RPL31: variants seen among roughly 807,000 people sequenced by gnomAD.
RPL31 encodes the protein ribosomal protein L31.
For missense variants in RPL31, 95 were observed against 164.0 expected (o/e 0.58, Z 2.30); for synonymous variants, 51 against 55.0 (o/e 0.93, Z 0.32).
In RPL31 at chr2:101,004,145, G is replaced by A; in HGVS notation, c.108-13G>A. 6.2e-7 allele frequency: 1 copy of A among 1,612,326 alleles called. No homozygotes were observed. Among genetic ancestry groups the A allele is most frequent in the Non-Finnish European group, 8.5e-7 (1 of 1,179,312 alleles). On this transcript the variant is annotated splice_polypyrimidine_tract_variant and intron_variant, in intron 2 of 4. Transcript: ENST00000264258. ...GTGCTCCTTTAATTTGTTCACTTAT[G>A]TTTGAATCGTAGGGGCTTCAAGAAG...
chr2:101,011,068 A>G (rs116129734), downstream of RPL31: 5,730 of 1,582,442 alleles, frequency 3.6e-3, 11 homozygotes, highest in Non-Finnish European at 4.2e-3. Context: ...ATTTAAATAA[A>G]TTCAGTGACA....
downstream of RPL31, chr2:101,010,979 A>C: frequency 1.2e-6 from 2 of 1,613,160 alleles, no homozygotes; most frequent in Non-Finnish European, 1.7e-6. Flanking sequence ...TCTTTGGCTA[A>C]ATCCTTAATC....
intron 2 of RPL31, among the ~76,000 whole-genome samples, 193 bp from the exon 3 acceptor site, chr2:101,003,965 T>TA (rs1455467539): frequency 1.3e-5 from 2 of 152,202 alleles, no homozygotes; most frequent in South Asian, 2.1e-4. Flanking sequence ...TAGGAGGACA[T>TA]ACCATCTACA....
chr2:101,008,058 G>A (rs745532065), downstream of RPL31: 10 of 1,613,832 alleles, frequency 6.2e-6, no homozygotes, highest in African/African-American at 1.3e-5. Flanking sequence ...TCTTCCCAGT[G>A]TCTGCAAAAA....
At chr2:101,003,002 G>C (rs559670028) in intron 2 of RPL31, among the ~76,000 whole-genome samples, 194 bp downstream of exon 2, 1 of 152,220 alleles carries the variant, frequency 6.6e-6, no homozygotes, top group African/African-American at 2.4e-5. Flanking sequence ...TGGTCTTTCT[G>C]ACCGCCCCCA....
At chr2:101,019,218 C>T (rs1679876820) in exon 5 of RPL31, 1 of 634,680 alleles carries the variant, frequency 1.6e-6, no homozygotes. Context: ...TGTCTTCTGC[C>T]CTTGCCTCTT....
At position 101,006,336 on chromosome 2, in the gene RPL31, T is replaced by A; in HGVS notation, c.347-14T>A. On this transcript the variant is annotated splice_polypyrimidine_tract_variant and intron_variant, in intron 4 of 4. Coordinates refer to ENST00000264258, the MANE Select transcript of RPL31 (RefSeq NM_000993.5). Reference sequence around the variant, plus strand: ...TGATGTGGGTATGGAAATTGACTGTTACTTCCTTTACAGATCTACAGACAG... The same window carrying A: ...TGATGTGGGTATGGAAATTGACTGTAACTTCCTTTACAGATCTACAGACAG... 6.2e-7 allele frequency: 1 copy of A among 1,608,484 alleles called. No individual in the cohort carries two copies.
At chr2:101,012,431 A>G (rs1679286415) in intron 4 of RPL31, among the ~76,000 whole-genome samples, 2 of 152,230 alleles carry the variant, frequency 1.3e-5, no homozygotes, top group African/African-American at 4.8e-5. Flanking sequence ...GCTAGGTGAG[A>G]GAAGTCGAAC....
intron 3 of RPL31, chr2:101,004,714 G>C (rs1462782706): frequency 1.1e-5 from 2 of 185,456 alleles, no homozygotes; most frequent in African/African-American, 4.7e-5. Flanking sequence ...GGCGGGGGTG[G>C]GGGGCAGTGT....
chr2:101,006,092 A>T, intron 4 of RPL31, 21 bp downstream of exon 4: 1 of 1,608,886 alleles, frequency 6.2e-7, no homozygotes, highest in Non-Finnish European at 8.5e-7. Context: ...CATCCCATAA[A>T]GCCATTTAAA....
At chr2:101,008,873 A>C (rs1014698568), downstream of RPL31, among the ~76,000 whole-genome samples, 1 of 152,120 alleles carries the variant, frequency 6.6e-6, no homozygotes, top group Non-Finnish European at 1.5e-5. Flanking sequence ...TTTAAGCTAG[A>C]GTTTATAATA....
intron 3 of RPL31, chr2:101,004,683 A>G (rs1215110240): frequency 5.3e-6 from 1 of 190,214 alleles, no homozygotes; most frequent in Non-Finnish European, 9.8e-6. Flanking sequence ...CGGCAGTTTT[A>G]CCTGTCCTTC....
At chr2:101,014,435 C>T (rs1679463498) in intron 4 of RPL31, among the ~76,000 whole-genome samples, 1 of 152,120 alleles carries the variant, frequency 6.6e-6, no homozygotes, top group South Asian at 2.1e-4. Context: ...TCTAAACTAC[C>T]ATTTTTTGTG....
downstream of RPL31, among the ~76,000 whole-genome samples, chr2:101,009,269 G>A (rs1678994162): frequency 6.6e-6 from 1 of 152,020 alleles, no homozygotes; most frequent in Non-Finnish European, 1.5e-5. Flanking sequence ...AGCCGGGCTT[G>A]GTGGCGGGCG....
downstream of RPL31, chr2:101,011,406 T>C (rs1679200700): frequency 6.3e-7 from 1 of 1,598,280 alleles, no homozygotes; most frequent in Admixed American, 1.7e-5. Flanking sequence ...CTCCCGCCAC[T>C]GCAGTGGTAT....
intron 2 of RPL31, 49 bp downstream of exon 2, chr2:101,002,857 G>C (rs1363887156): frequency 7.2e-7 from 1 of 1,389,970 alleles, no homozygotes; most frequent in Non-Finnish European, 1.0e-6. Context: ...GCGTCTGGTT[G>C]TTACCGAGAG....
chr2:101,006,416 T>TG lies in RPL31; in HGVS notation c.*36dup. ...GTCAGATCAAATAAAGTTATAAAAT[T>TG]GCCTTCATGTTTTTGTTCTTTTTAG... is the stretch of plus-strand genomic sequence containing the variant. On this transcript the variant is annotated 3_prime_UTR_variant, in exon 5 of 5. Coordinates refer to ENST00000264258, the MANE Select transcript of RPL31 (RefSeq NM_000993.5). 1.3e-6 allele frequency: 2 copies of TG among 1,597,122 alleles called. No homozygotes were observed. Among genetic ancestry groups the TG allele is most frequent in the Non-Finnish European group, 1.7e-6 (2 of 1,173,866 alleles).
chr2:101,011,388 C>T (rs553876448), downstream of RPL31: 321 of 1,544,734 alleles, frequency 2.1e-4, 3 homozygotes, highest in Middle Eastern at 6.5e-3. Flanking sequence ...TGAGGGCAAC[C>T]CCGGTGCCTC....
At chr2:101,006,191 T>G in intron 4 of RPL31, 120 bp downstream of exon 4, 1 of 1,509,968 alleles carries the variant, frequency 6.6e-7, no homozygotes, top group Non-Finnish European at 8.8e-7. Flanking sequence ...TTTTAAATTG[T>G]TGGTGTGGGA....
Sources: allele counts gnomAD v4.1 joint callset (sites outside exome capture counted in the v4.1 genomes callset), GRCh38; gene constraint gnomAD v4.1.1; transcripts MANE v1.5; gene names NCBI Gene and HGNC (gene_info 2026-07-23, HGNC 2026-07-21).